The following UTP14A variants were observed in gnomAD, a reference collection of about 807,000 sequenced individuals.
UTP14A encodes UTP14A small subunit processome component.
UTP14A carries 5 observed loss-of-function variants against 57.2 expected under a neutral mutation model. That is an observed-to-expected ratio of 0.09 (90% CI 0.05 to 0.18). The LOEUF (loss-of-function observed/expected upper bound fraction) is 0.18. Ranked by LOEUF, UTP14A falls within the 10% of genes least tolerant of loss-of-function variation. The probability of loss-of-function intolerance (pLI) is 1.00; values close to 1 mark genes in which losing one functional copy is unlikely to be tolerated. For missense variants in UTP14A, 430 were observed against 562.1 expected (o/e 0.76, Z 2.38); for synonymous variants, 169 against 210.9 (o/e 0.80, Z 1.72).
At position 129,920,589 on chromosome X, in the gene UTP14A, A is replaced by T. The variant is rs1403592661; in HGVS notation, c.876+9A>T. On this transcript the variant is annotated intron_variant, in intron 9 of 14. Coordinates refer to ENST00000394422, the MANE Select transcript of UTP14A (RefSeq NM_006649.4). Reference sequence around the variant, plus strand: ...AAAAGGCCAGAATGATGGTGAGACTACCTCTTGCCCCACCCCCACCCCTTT... The same window carrying T: ...AAAAGGCCAGAATGATGGTGAGACTTCCTCTTGCCCCACCCCCACCCCTTT... 1.7e-6 allele frequency: 2 copies of T among 1,199,907 alleles called. No individual in the cohort carries two copies. Among genetic ancestry groups the T allele is most frequent in the Non-Finnish European group, 2.3e-6 (2 of 885,624 alleles).
chrX:129,925,614 G>A (rs780934711), intron 12 of UTP14A, among the ~76,000 whole-genome samples: 7 of 112,378 alleles, frequency 6.2e-5, no homozygotes, highest in African/African-American at 2.3e-4. Context: ...ATATAAGCTG[G>A]AGGAAGCCTA....
At chrX:129,908,629 A>C (rs1183574708) in intron 3 of UTP14A, 41 bp from the exon 4 acceptor site, 1 of 1,171,323 alleles carries the variant, frequency 8.5e-7, no homozygotes, top group Admixed American at 2.2e-5. Context: ...AGCCCCCATA[A>C]AATTTATTCA....
chrX:129,906,576 T>G (rs960677185), intron 1 of UTP14A, among the ~76,000 whole-genome samples: 2 of 110,602 alleles, frequency 1.8e-5, no homozygotes, highest in African/African-American at 6.6e-5. Flanking sequence ...GCAGGCGTTA[T>G]AAACTCCCCG....
intron 1 of UTP14A, among the ~76,000 whole-genome samples, chrX:129,906,998 G>T (rs143601358): frequency 0.015 from 1,652 of 110,782 alleles, 16 homozygotes; most frequent in Middle Eastern, 0.028. Context: ...TTATTCTAGG[G>T]TCTGACATTT....
chrX:129,909,648 T>C (rs936049406), intron 4 of UTP14A, among the ~76,000 whole-genome samples: 2 of 111,729 alleles, frequency 1.8e-5, no homozygotes, highest in African/African-American at 3.3e-5. Flanking sequence ...ATTTTTTTCA[T>C]ACTCTCCCAG....
chrX:129,926,306 T>C lies in UTP14A; in HGVS notation c.2010T>C (p.Asn670=), dbSNP rs746300287. Residue 670 remains asparagine (N), a synonymous_variant, in exon 14 of 15, where the codon AAT becomes AAC. Coordinates refer to ENST00000394422, the MANE Select transcript of UTP14A (RefSeq NM_006649.4). ...AGAATTTGCCAAATGTGATTATCAA[T>C]GAGAAGCGCAACATCCACGCAGCTG... ...KDKNLPNVII[N]EKRNIHAAAH... 2.5e-6 allele frequency: 3 copies of C among 1,211,904 alleles called. No individual in the cohort carries two copies. Among genetic ancestry groups the C allele is most frequent in the Non-Finnish European group, 3.4e-6 (3 of 895,493 alleles).
intron 2 of UTP14A, among the ~76,000 whole-genome samples, chrX:129,907,773 A>G (rs746961434): frequency 5.2e-4 from 58 of 111,077 alleles, no homozygotes; most frequent in Non-Finnish European, 8.1e-4. Flanking sequence ...TGGCTAACAC[A>G]GTGAAACCCC....
chrX:129,906,350 C>T lies in UTP14A; in HGVS notation c.26+114C>T, dbSNP rs141750783. 2.9e-3 allele frequency: 2,109 copies of T among 737,437 alleles called. 38 individuals carry two copies. In the East Asian group the frequency reaches 0.056, roughly 19 times the overall value. 60.8% of individuals were successfully genotyped at this position (737,437 alleles called of 1,213,427 possible). ...AGATGGCAGTGGTTCCCCTGAAGAG[C>T]TGGCCATTCGTTCCTATTTTCCGCG... is the stretch of plus-strand genomic sequence containing the variant. On this transcript the variant is annotated intron_variant, in intron 1 of 14. Coordinates refer to ENST00000394422, the MANE Select transcript of UTP14A (RefSeq NM_006649.4).
intron 10 of UTP14A, 109 bp from the exon 11 acceptor site, chrX:129,921,085 A>T: frequency 8.9e-7 from 1 of 1,125,374 alleles, no homozygotes; most frequent in Non-Finnish European, 1.2e-6. Context: ...ACCAGTAAGA[A>T]ATACTCACCA....
chrX:129,922,427 T>C (rs916149726), intron 11 of UTP14A: 9 of 111,808 alleles, frequency 8.0e-5, no homozygotes, highest in African/African-American at 2.6e-4. Context: ...TTTTTTCTAC[T>C]TTTTTTTGTT....
chrX:129,922,507 A>G (rs925089225), intron 11 of UTP14A: 7 of 111,411 alleles, frequency 6.3e-5, no homozygotes, highest in African/African-American at 2.3e-4. Context: ...ACTGCAGCCT[A>G]AGACCTCCCA....
rs764927779 is a variant in UTP14A, at chrX:129,907,923, T to C, written c.103-137T>C. On this transcript the variant is annotated intron_variant, in intron 2 of 14. Coordinates refer to ENST00000394422, the MANE Select transcript of UTP14A (RefSeq NM_006649.4). ...GTGAGCCAAGATAACACCACTGCAC[T>C]CCATCCTGGGCAACAGAGCGAGACG... 101 of 545,516 alleles carry C rather than the reference T, an allele frequency of 1.9e-4. 1 individual carries two copies. In the African/African-American group the frequency reaches 2.3e-3, roughly 12 times the overall value. The allele number at this position is 545,516 out of a possible 1,213,427, so 45.0% of individuals were successfully genotyped here. A position where few individuals can be genotyped will look rare whatever the true frequency, so the allele number is the denominator to read the frequency against.
intron 4 of UTP14A, among the ~76,000 whole-genome samples, chrX:129,909,722 T>C (rs1929395329): frequency 8.9e-6 from 1 of 111,750 alleles, no homozygotes; most frequent in South Asian, 3.7e-4. Context: ...GAATACATGC[T>C]CTAATAAGCG....
intron 8 of UTP14A, 76 bp from the exon 9 acceptor site, chrX:129,920,381 G>T (rs1929862199): frequency 8.4e-7 from 1 of 1,192,286 alleles, no homozygotes; most frequent in African/African-American, 1.7e-5. Flanking sequence ...GGAACCCATT[G>T]GGTAGTATGG....
chrX:129,924,945 T>A lies in UTP14A; in HGVS notation c.1499T>A (p.Leu500Gln). 1 of 1,211,513 alleles carries A rather than the reference T, an allele frequency of 8.3e-7. No homozygotes were observed. Among genetic ancestry groups the A allele is most frequent in the Non-Finnish European group, 1.1e-6 (1 of 895,496 alleles). ...EEPAPEEEEP[L>Q]LLQRPERVQT... ...CCTGCCCCAGAAGAAGAGGAGCCCC[T>A]GTTGCTACAGAGACCAGAGAGAGTA... The change falls in exon 12 of 15, where the codon CTG becomes CAG. Residue 500 changes from leucine to glutamine, a missense_variant. By Grantham distance (113) the Leu-to-Gln change is moderately radical (BLOSUM62 -2). This residue lies in a region of UTP14A where 120 missense variants were observed against 116.8 expected (regional missense o/e 1.03). Transcript: ENST00000394422.
At chrX:129,906,513 G>A (rs1230154537) in intron 1 of UTP14A, among the ~76,000 whole-genome samples, 1 of 111,272 alleles carries the variant, frequency 9.0e-6, no homozygotes, top group Non-Finnish European at 1.9e-5. Context: ...TTCGTCACGT[G>A]GCCCCTTTTT....
At chrX:129,923,325 G>T (rs1929981629) in intron 11 of UTP14A, among the ~76,000 whole-genome samples, 1 of 112,348 alleles carries the variant, frequency 8.9e-6, no homozygotes, top group Non-Finnish European at 1.9e-5. Flanking sequence ...ATACAGGCTG[G>T]AGTGCAGTGG....
rs1390860513 is a variant in UTP14A at position 129,929,624 on chromosome X, A to G, written c.*16A>G. ...TGTAGATTGAGTTGCTGGAGGAGTGACAGCCAGGAGCCCTGACTTCACTTC... is the reference window on the plus strand; with the variant it reads ...TGTAGATTGAGTTGCTGGAGGAGTGGCAGCCAGGAGCCCTGACTTCACTTC... On this transcript the variant is annotated 3_prime_UTR_variant, in exon 15 of 15. Coordinates refer to ENST00000394422, the MANE Select transcript of UTP14A (RefSeq NM_006649.4). 3.3e-6 allele frequency: 4 copies of G among 1,202,038 alleles called. No homozygotes were observed. In the African/African-American group the frequency reaches 7.0e-5, roughly 21 times the overall value.
In UTP14A at chrX:129,919,115, A is replaced by G. The variant is rs867588335; in HGVS notation, c.538-60A>G. ...ATAAGTTAGAGAATCATAGGAATGT[A>G]AAGAGAGAAAGCTGTAAGAGCATGG... On this transcript the variant is annotated intron_variant, in intron 6 of 14. Coordinates refer to ENST00000394422, the MANE Select transcript of UTP14A (RefSeq NM_006649.4). 5.8e-6 allele frequency: 7 copies of G among 1,204,151 alleles called. No homozygotes were observed. The African/African-American group carries it at 1.2e-4, about 21-fold the overall frequency.
Sources: gnomAD v4.1 joint callset for allele counts (sites outside exome capture counted in the v4.1 genomes callset) on GRCh38, gnomAD v4.1.1 for gene constraint, gnomAD v4.1.1 regional missense constraint, MANE v1.5 for transcripts, NCBI Gene and HGNC (gene_info 2026-07-23, HGNC 2026-07-21) for gene names.